SEMA6D: variants seen among roughly 807,000 people sequenced by gnomAD.
SEMA6D encodes the protein semaphorin 6D.
A neutral mutation model predicts 106.6 loss-of-function variants in SEMA6D; 35 were observed. The observed-to-expected ratio is 0.33, with a 90% CI of 0.25 to 0.44. The LOEUF (loss-of-function observed/expected upper bound fraction) is 0.44, where lower values mean the gene tolerates loss of function less well. Ranked by LOEUF, SEMA6D falls within the 20% of genes least tolerant of loss-of-function variation. The pLI is 1.00. For synonymous variants in SEMA6D, 499 were observed against 487.7 expected (o/e 1.02, Z -0.31); for missense variants, 1,185 against 1,345.9 (o/e 0.88, Z 1.87).
At chr15:47,606,087 C>G (rs2076775770) in intron 4 of SEMA6D, among the ~76,000 whole-genome samples, 1 of 152,106 alleles carries the variant, frequency 6.6e-6, no homozygotes, top group South Asian at 2.1e-4. Flanking sequence ...AACACATATG[C>G]TCCTATCACC....
chr15:47,281,136 T>C (rs1474851301), intron 1 of SEMA6D, among the ~76,000 whole-genome samples: 1 of 109,118 alleles, frequency 9.2e-6, no homozygotes, highest in East Asian at 3.2e-4. Context: ...GGTGTTAAAG[T>C]CTCCCATTAC....
At chr15:47,584,597 GGAT>G (rs1227281761) in intron 3 of SEMA6D, among the ~76,000 whole-genome samples, 2 of 152,108 alleles carry the variant, frequency 1.3e-5, no homozygotes, top group Admixed American at 6.5e-5. Context: ...ACCCTGCAAG[GGAT>G]GATTGAGGAT....
At chr15:47,765,185 T>C (rs2082273529) in intron 13 of SEMA6D, 129 bp downstream of exon 13, 6 of 1,442,120 alleles carry the variant, frequency 4.2e-6, no homozygotes, top group Admixed American at 2.7e-5. Context: ...GTGTTTTTTT[T>C]CTCATTGAAA....
chr15:47,521,853 T>C (rs932907304), intron 3 of SEMA6D, among the ~76,000 whole-genome samples: 3 of 151,844 alleles, frequency 2.0e-5, no homozygotes, highest in African/African-American at 4.8e-5. Context: ...GGCATGGTGG[T>C]GGGCGCCTGT....
intron 1 of SEMA6D, among the ~76,000 whole-genome samples, chr15:47,328,927 T>C (rs2037234827): frequency 6.6e-6 from 1 of 152,240 alleles, no homozygotes; most frequent in Non-Finnish European, 1.5e-5. Flanking sequence ...TAGACTTTCA[T>C]CAATCAAGAC....
chr15:47,587,766 A>G (rs2076367799), intron 3 of SEMA6D, among the ~76,000 whole-genome samples: 1 of 141,144 alleles, frequency 7.1e-6, no homozygotes, highest in Admixed American at 7.6e-5. Context: ...TGCTGGAGCA[A>G]TAAAAACATT....
rs899519778 is a variant in SEMA6D, at chr15:47,644,732, C to G, written c.-55+43836C>G. ...GAACTATGAAACATACATGTCTATT[C>G]TTTATAAATTACCCAGTCTCAGATA... On this transcript the variant is annotated intron_variant, in intron 4 of 19. Coordinates refer to the SEMA6D transcript ENST00000558014. 5.3e-5 allele frequency among the ~76,000 whole-genome samples: 8 copies of G among 152,194 alleles called. No individual in the cohort carries two copies. In the South Asian group the frequency reaches 6.2e-4, roughly 12 times the overall value.
chr15:47,576,869 A>G (rs140841272), intron 3 of SEMA6D, among the ~76,000 whole-genome samples: 1 of 152,132 alleles, frequency 6.6e-6, no homozygotes, highest in East Asian at 1.9e-4. Flanking sequence ...GAGCAGTTAG[A>G]TGTTTCCTTT....
intron 1 of SEMA6D, among the ~76,000 whole-genome samples, chr15:47,386,649 C>T (rs570432673): frequency 6.6e-6 from 1 of 152,306 alleles, no homozygotes; most frequent in African/African-American, 2.4e-5. Context: ...TTTACCTGCT[C>T]AGGCATTGGC....
At chr15:47,712,307 C>T (rs1299139812) in intron 4 of SEMA6D, among the ~76,000 whole-genome samples, 2 of 151,930 alleles carry the variant, frequency 1.3e-5, no homozygotes, top group African/African-American at 4.8e-5. Flanking sequence ...AAAACTTGTG[C>T]TTATATCATT....
At chr15:47,634,365 C>T (rs965692763) in intron 4 of SEMA6D, among the ~76,000 whole-genome samples, 1 of 152,090 alleles carries the variant, frequency 6.6e-6, no homozygotes, top group Non-Finnish European at 1.5e-5. Context: ...GTCACTTTCC[C>T]GATGGTCTTC....
chr15:47,396,868 A>C (rs1367457612), intron 1 of SEMA6D: 1 of 152,144 alleles, frequency 6.6e-6, no homozygotes, highest in Non-Finnish European at 1.5e-5. Flanking sequence ...AGCAGGGGGG[A>C]ATGCCGGCAT....
rs72733882 is a variant in SEMA6D at position 47,569,247 on chromosome 15, A to C, written c.-86-31618A>C. On this transcript the variant is annotated intron_variant, in intron 3 of 19. Coordinates refer to the SEMA6D transcript ENST00000558014. The stretch of plus-strand genomic sequence containing the variant: ...CAAAATTAAATTAAATGTGATTCTG[A>C]TTCTACATCTGCATTCCACCTGGCT... 2.6e-5 allele frequency among the ~76,000 whole-genome samples: 4 copies of C among 152,116 alleles called. No individual in the cohort carries two copies. In the South Asian group the frequency reaches 8.3e-4, roughly 32 times the overall value.
At chr15:47,676,495 C>T (rs936485445) in intron 4 of SEMA6D, among the ~76,000 whole-genome samples, 3 of 152,150 alleles carry the variant, frequency 2.0e-5, no homozygotes, top group Non-Finnish European at 4.4e-5. Flanking sequence ...CCATGACTAC[C>T]CCTAGAAGCA....
rs556718099 is a variant in SEMA6D, at chr15:47,560,071, C to T, written c.-86-40794C>T. Among the ~76,000 whole-genome samples the T allele has an allele frequency of 5.3e-5, 8 of 152,086 alleles. 1 individual carries two copies. The highest frequency in any genetic ancestry group is 1.9e-4 in the African/African-American group (8 of 41,524). ...GATATAGTCTATGTAAATTACTAAA[C>T]AAACAAAATAAAAACAAAAATAATT... On this transcript the variant is annotated intron_variant, in intron 3 of 19. Coordinates refer to the SEMA6D transcript ENST00000558014.
At chr15:47,455,295 A>T (rs950626209) in intron 2 of SEMA6D, among the ~76,000 whole-genome samples, 1 of 151,946 alleles carries the variant, frequency 6.6e-6, no homozygotes, top group African/African-American at 2.4e-5. Context: ...CAATCCCAGC[A>T]TTAGAAAATA....
Position 47,551,673 on chromosome 15 carries a change from CTG to C in SEMA6D, c.-86-49166_-86-49165del, listed in dbSNP as rs3050565. 5.7e-5 allele frequency among the ~76,000 whole-genome samples: 8 copies of C among 141,366 alleles called. No individual in the cohort carries two copies. In the East Asian group the frequency reaches 6.3e-4, roughly 11 times the overall value. 92.7% of individuals were successfully genotyped at this position (141,366 alleles called of 152,430 possible). Reference sequence around the variant, plus strand: ...CCATCGAAGTCTAACATCTGGGACTCTGTGTGTGTGTGTGTGTGTGTGTGTGT... The same window carrying C: ...CCATCGAAGTCTAACATCTGGGACTCTGTGTGTGTGTGTGTGTGTGTGTGT... On this transcript the variant is annotated intron_variant, in intron 3 of 19. Coordinates refer to the SEMA6D transcript ENST00000558014.
intron 1 of SEMA6D, among the ~76,000 whole-genome samples, chr15:47,195,906 G>A (rs1284277847): frequency 1.4e-5 from 2 of 147,572 alleles, no homozygotes; most frequent in African/African-American, 5.0e-5. Flanking sequence ...TTCAACGTGG[G>A]TGAGCGTGTG....
At chr15:47,351,469 A>G (rs2038323468) in intron 1 of SEMA6D, among the ~76,000 whole-genome samples, 1 of 152,140 alleles carries the variant, frequency 6.6e-6, no homozygotes, top group South Asian at 2.1e-4. Context: ...ATATTATCTC[A>G]TTTAATCTGC....
Sources: allele counts gnomAD v4.1 joint callset (sites outside exome capture counted in the v4.1 genomes callset), GRCh38; gene constraint gnomAD v4.1.1; transcripts MANE v1.5; gene names NCBI Gene and HGNC (gene_info 2026-07-23, HGNC 2026-07-21).